NTRK2: variants seen among roughly 807,000 people sequenced by gnomAD.
The protein encoded by NTRK2 is BDNF/NT-3 growth factors receptor.
A neutral mutation model predicts 94.5 loss-of-function variants in NTRK2; 13 were observed. The ratio of observed to expected loss-of-function variants is 0.14; its 90% CI spans 0.09 to 0.22. The LOEUF is 0.22. Among genes scored for constraint, NTRK2 ranks in the 10% least tolerant of loss-of-function variants. The pLI is 1.00. For missense variants in NTRK2, 639 were observed against 1,071.2 expected, an observed-to-expected ratio of 0.60 and a Z score of 5.63; for synonymous variants, 372 against 407.4, an observed-to-expected ratio of 0.91 and a Z score of 1.05.
intron 2 of NTRK2, among the ~76,000 whole-genome samples, chr9:84,698,819 C>A (rs906564276): frequency 4.6e-5 from 7 of 152,166 alleles, no homozygotes; most frequent in Non-Finnish European, 7.3e-5. Context: ...TTCTTGGCCA[C>A]CGAAGTTTTC....
chr9:85,002,609 C>A (rs1830450923), intron 17 of NTRK2, among the ~76,000 whole-genome samples: 1 of 152,176 alleles, frequency 6.6e-6, no homozygotes, highest in Admixed American at 6.5e-5. Context: ...ACAAATTCCT[C>A]AAAAATAAAC....
intron 17 of NTRK2, among the ~76,000 whole-genome samples, chr9:84,981,248 T>G (rs1827565703): frequency 1.0e-5 from 1 of 97,502 alleles, no homozygotes. Context: ...GCCCAGCCGG[T>G]TTTGTTTTGT....
intron 12 of NTRK2, among the ~76,000 whole-genome samples, chr9:84,777,268 G>A (rs2067139165): frequency 1.3e-5 from 2 of 152,168 alleles, no homozygotes; most frequent in Admixed American, 1.3e-4. Flanking sequence ...TTCTCAAGAT[G>A]AGAGATGTGA....
intron 17 of NTRK2, among the ~76,000 whole-genome samples, chr9:85,019,157 A>G (rs2117871949): frequency 6.6e-6 from 1 of 152,298 alleles, no homozygotes; most frequent in African/African-American, 2.4e-5. Flanking sequence ...TTTAATAAAT[A>G]CTAACTGGAT....
chr9:84,831,987 T>G (rs1051613041), intron 12 of NTRK2, among the ~76,000 whole-genome samples: 1 of 152,248 alleles, frequency 6.6e-6, no homozygotes, highest in Admixed American at 6.5e-5. Context: ...TCATACCCAG[T>G]TAACTCCAAA....
At chr9:84,744,233 A>G (rs770284741) in intron 10 of NTRK2, among the ~76,000 whole-genome samples, 2 of 152,240 alleles carry the variant, frequency 1.3e-5, no homozygotes, top group Non-Finnish European at 2.9e-5. Flanking sequence ...TGACCCATGT[A>G]GACTAAAATT....
intron 12 of NTRK2, among the ~76,000 whole-genome samples, chr9:84,851,489 T>C (rs1177187571): frequency 6.6e-6 from 1 of 152,234 alleles, no homozygotes; most frequent in Non-Finnish European, 1.5e-5. Flanking sequence ...AATCCTGTTA[T>C]GTTCTATTCC....
At chr9:84,861,007 G>C (rs765808032) in intron 12 of NTRK2, 33 bp from the exon 13 acceptor site, 2 of 1,604,872 alleles carry the variant, frequency 1.2e-6, no homozygotes, top group Admixed American at 3.3e-5. Flanking sequence ...CTTCTCTTTC[G>C]AAGTTTATTT....
chr9:84,854,731 G>A (rs1321611412), intron 12 of NTRK2, among the ~76,000 whole-genome samples: 1 of 152,084 alleles, frequency 6.6e-6, no homozygotes, highest in Admixed American at 6.5e-5. Flanking sequence ...CGGATCACTT[G>A]AGGTCAGGAG....
At chr9:84,924,028 A>T (rs769152094) in intron 14 of NTRK2, among the ~76,000 whole-genome samples, 4 of 152,120 alleles carry the variant, frequency 2.6e-5, no homozygotes, top group Non-Finnish European at 5.9e-5. Context: ...ACCAGGGATA[A>T]AACAGACACC....
intron 12 of NTRK2, among the ~76,000 whole-genome samples, chr9:84,790,721 A>C (rs1205452121): frequency 1.3e-5 from 2 of 152,196 alleles, no homozygotes; most frequent in Admixed American, 1.3e-4. Flanking sequence ...AGAAGGAAGA[A>C]GTGTAGCCTT....
chr9:84,747,279 G>T (rs577218943), intron 11 of NTRK2, among the ~76,000 whole-genome samples: 37 of 152,050 alleles, frequency 2.4e-4, no homozygotes, highest in Non-Finnish European at 4.4e-4. Context: ...GAAATAGCAA[G>T]AACAAATACC....
chr9:84,813,735 C>A (rs200845815), intron 12 of NTRK2: 275 of 1,066,044 alleles, frequency 2.6e-4, no homozygotes, highest in Non-Finnish European at 3.0e-4. Flanking sequence ...CAAATCCTTC[C>A]TCCTATTATA....
chr9:84,913,860 T>TTTA (rs148731843), intron 14 of NTRK2, among the ~76,000 whole-genome samples: 92 of 151,026 alleles, frequency 6.1e-4, no homozygotes, highest in Middle Eastern at 3.4e-3. Context: ...ATTTTTCAAC[T>TTTA]TTATTATTAT....
chr9:84,901,204 G>GTTTTATTTTA (rs56826522), intron 14 of NTRK2, among the ~76,000 whole-genome samples: 10,374 of 138,052 alleles, frequency 0.075, 502 homozygotes, highest in East Asian at 0.2. Flanking sequence ...GTTTTGTTTT[G>GTTTTATTTTA]TTTTATTTTA....
chr9:84,961,660 A>T (rs1028266573), intron 17 of NTRK2, among the ~76,000 whole-genome samples: 1 of 152,174 alleles, frequency 6.6e-6, no homozygotes, highest in Non-Finnish European at 1.5e-5. Context: ...TATGTGCTAG[A>T]TGCAATGGTA....
In NTRK2 at chr9:84,752,098, G is replaced by C; in HGVS notation, c.1396+13G>C. 3.7e-6 allele frequency: 6 copies of C among 1,603,008 alleles called. No homozygotes were observed. Among genetic ancestry groups the C allele is most frequent in the Non-Finnish European group, 5.1e-6 (6 of 1,170,048 alleles). ...TTTGGCATGAAAGGTAAGAAGGGTT[G>C]TGTTTATTTAGCTTCTTATGTGGAT... is the stretch of plus-strand genomic sequence containing the variant. On this transcript the variant is annotated intron_variant, in intron 12 of 18. Transcript: ENST00000277120.
At chr9:84,678,393 AAAG>A (rs1289786090) in intron 2 of NTRK2, among the ~76,000 whole-genome samples, 1 of 152,242 alleles carries the variant, frequency 6.6e-6, no homozygotes, top group Admixed American at 6.5e-5. Context: ...AACAAAATTG[AAAG>A]GTATCGGAAT....
At chr9:84,793,270 C>A (rs2068921188) in intron 12 of NTRK2, among the ~76,000 whole-genome samples, 1 of 144,144 alleles carries the variant, frequency 6.9e-6, no homozygotes, top group South Asian at 2.3e-4. Context: ...GTGCCTGTGA[C>A]AAATTGGATT....
Sources: gnomAD v4.1 joint callset for allele counts (sites outside exome capture counted in the v4.1 genomes callset) on GRCh38, gnomAD v4.1.1 for gene constraint, MANE v1.5 for transcripts, NCBI Gene and HGNC (gene_info 2026-07-23, HGNC 2026-07-21) for gene names.